CADPS: variants seen among roughly 807,000 people sequenced by gnomAD.
CADPS encodes the protein calcium-dependent secretion activator 1.
Under a neutral mutation model 167.3 loss-of-function variants are expected in CADPS, and 57 were observed. That is an observed-to-expected ratio of 0.34 (90% CI 0.28 to 0.42). The LOEUF is 0.42. Ranked by LOEUF, CADPS falls within the 20% of genes least tolerant of loss-of-function variation. CADPS has a pLI of 1.00. For missense variants in CADPS, 1,414 were observed against 1,738.1 expected, an observed-to-expected ratio of 0.81 and a Z score of 3.32; for synonymous variants, 676 against 635.3, an observed-to-expected ratio of 1.06 and a Z score of -0.96.
chr3:62,580,177 G>T (rs1288183580), intron 8 of CADPS, among the ~76,000 whole-genome samples: 1 of 152,128 alleles, frequency 6.6e-6, no homozygotes, highest in Non-Finnish European at 1.5e-5. Context: ...CAAAGACTTG[G>T]AACCAACCCA....
chr3:62,517,336 A>C (rs1306080652), intron 14 of CADPS, among the ~76,000 whole-genome samples: 1 of 152,082 alleles, frequency 6.6e-6, no homozygotes, highest in Non-Finnish European at 1.5e-5. Context: ...TATCTTATGT[A>C]AGCATCCCAC....
At chr3:62,836,259 C>G (rs144752177) in intron 1 of CADPS, among the ~76,000 whole-genome samples, 372 of 152,260 alleles carry the variant, frequency 2.4e-3, no homozygotes, top group Non-Finnish European at 4.5e-3. Context: ...AATTATCAAA[C>G]TAATCCAGAC....
intron 9 of CADPS, among the ~76,000 whole-genome samples, chr3:62,561,306 G>A (rs2079111254): frequency 1.3e-5 from 2 of 152,040 alleles, no homozygotes; most frequent in African/African-American, 4.8e-5. Context: ...AGGCTGAAGT[G>A]CAGTGACACA....
At chr3:62,873,468 G>T (rs953316367) in intron 1 of CADPS, among the ~76,000 whole-genome samples, 1 of 152,068 alleles carries the variant, frequency 6.6e-6, no homozygotes, top group African/African-American at 2.4e-5. Flanking sequence ...TTATTTAAAA[G>T]AGAACAGAAC....
At chr3:62,482,608 T>C (rs114398202) in intron 21 of CADPS, among the ~76,000 whole-genome samples, 1,769 of 152,236 alleles carry the variant, frequency 0.012, 26 homozygotes, top group African/African-American at 0.041. Context: ...ACCAAGGAAA[T>C]GAAAACAATC....
At chr3:62,476,723 T>C (rs1268539585) in intron 23 of CADPS, among the ~76,000 whole-genome samples, 2 of 152,174 alleles carry the variant, frequency 1.3e-5, no homozygotes, top group African/African-American at 4.8e-5. Flanking sequence ...CTACCCAGAC[T>C]GGCCTCTCCA....
chr3:62,565,869 CA>C (rs1259608511), intron 9 of CADPS, among the ~76,000 whole-genome samples: 1 of 152,152 alleles, frequency 6.6e-6, no homozygotes, highest in African/African-American at 2.4e-5. Context: ...AAATCTCAGT[CA>C]GGGAGAATTT....
chr3:62,778,765 A>T (rs1380156640), intron 1 of CADPS, among the ~76,000 whole-genome samples: 1 of 152,236 alleles, frequency 6.6e-6, no homozygotes, highest in Non-Finnish European at 1.5e-5. Context: ...CCATTGCAAG[A>T]AACACTTGCT....
intron 3 of CADPS, among the ~76,000 whole-genome samples, chr3:62,707,014 C>T (rs1326993812): frequency 6.6e-6 from 1 of 152,040 alleles, no homozygotes; most frequent in Non-Finnish European, 1.5e-5. Context: ...ATTCTATCTC[C>T]AAGTAAAGTT....
chr3:62,755,162 A>T (rs1227060786), intron 2 of CADPS, among the ~76,000 whole-genome samples: 4 of 152,170 alleles, frequency 2.6e-5, no homozygotes, highest in African/African-American at 4.8e-5. Context: ...ACCAATGGGT[A>T]GTCTTTTTAC....
chr3:62,451,047 C>T (rs2057970202), intron 26 of CADPS, among the ~76,000 whole-genome samples: 1 of 151,784 alleles, frequency 6.6e-6, no homozygotes, highest in Non-Finnish European at 1.5e-5. Context: ...TTAATTTTTT[C>T]TTGTAACCTT....
At chr3:62,572,672 A>G (rs900789312) in intron 8 of CADPS, among the ~76,000 whole-genome samples, 1 of 148,828 alleles carries the variant, frequency 6.7e-6, no homozygotes, top group Non-Finnish European at 1.5e-5. Context: ...TCTATTTTGA[A>G]AAGTAAACTA....
intron 28 of CADPS, among the ~76,000 whole-genome samples, chr3:62,429,128 G>T (rs564865803): frequency 6.6e-6 from 1 of 152,144 alleles, no homozygotes; most frequent in African/African-American, 2.4e-5. Context: ...ATAAACTTTT[G>T]TTTCGTGTGT....
chr3:62,694,975 C>T (rs905739703), intron 3 of CADPS, among the ~76,000 whole-genome samples: 2 of 152,102 alleles, frequency 1.3e-5, no homozygotes. Context: ...AAGGTCTGCT[C>T]TCACTGTTAA....
At chr3:62,865,710 CT>C (rs1289416820) in intron 1 of CADPS, among the ~76,000 whole-genome samples, 6 of 152,056 alleles carry the variant, frequency 3.9e-5, no homozygotes, top group Non-Finnish European at 8.8e-5. Flanking sequence ...AGCAGTTTTA[CT>C]TTTTATTGAT....
chr3:62,580,259 A>G (rs1049156845), intron 8 of CADPS, among the ~76,000 whole-genome samples: 3 of 152,212 alleles, frequency 2.0e-5, no homozygotes, highest in Non-Finnish European at 4.4e-5. Flanking sequence ...TGCAGCCATA[A>G]AAAAGGATGA....
intron 1 of CADPS, among the ~76,000 whole-genome samples, chr3:62,843,492 G>GGTGTGTGTGTGTGTGTGTGT (rs150223612): frequency 0.032 from 4,746 of 149,060 alleles, 86 homozygotes; most frequent in South Asian, 0.049. Context: ...TGGCAGTTGG[G>GGTGTGTGTGTGTGTGTGTGT]GTGTGTGTGT....
intron 8 of CADPS, among the ~76,000 whole-genome samples, chr3:62,579,127 G>C (rs1401326168): frequency 2.0e-5 from 3 of 152,208 alleles, no homozygotes; most frequent in African/African-American, 7.2e-5. Context: ...CCGGTTGGTG[G>C]ACTGTGGTTC....
intron 6 of CADPS, among the ~76,000 whole-genome samples, chr3:62,622,132 G>T (rs1356037661): frequency 2.6e-5 from 4 of 151,998 alleles, no homozygotes; most frequent in Non-Finnish European, 5.9e-5. Context: ...TCCTGGGTTG[G>T]TTTGGCCCGC....
Sources: allele counts gnomAD v4.1 joint callset (sites outside exome capture counted in the v4.1 genomes callset), GRCh38; gene constraint gnomAD v4.1.1; transcripts MANE v1.5; gene names NCBI Gene and HGNC (gene_info 2026-07-23, HGNC 2026-07-21).